MAOB: variants seen among roughly 807,000 people sequenced by gnomAD.
MAOB encodes the protein monoamine oxidase B.
Under a neutral mutation model 41.9 loss-of-function variants are expected in MAOB, and 15 were observed. The observed-to-expected ratio is 0.36, with a 90% CI of 0.24 to 0.55. MAOB has a LOEUF of 0.55. Ranked by LOEUF, MAOB falls within the 20% of genes least tolerant of loss-of-function variation. The pLI, the probability that MAOB is intolerant of heterozygous loss-of-function variation, is 0.86. For missense variants in MAOB, 345 were observed against 398.7 expected, an observed-to-expected ratio of 0.87 and a Z score of 1.15; for synonymous variants, 167 against 144.2, an observed-to-expected ratio of 1.16 and a Z score of -1.13.
At position 43,805,997 on chromosome X, in the gene MAOB, T is replaced by C. The variant is rs142770151; in HGVS notation, c.280-2593A>G. ...TTTTACACATTTTTACAAAGTAATT[T>C]GTTTTACAAATTTTTACAAAGTAAC... On this transcript the variant is annotated intron_variant, in intron 3 of 14. Transcript: ENST00000378069. Among the ~76,000 whole-genome samples, 1,103 of 112,760 alleles carry C rather than the reference T, an allele frequency of 9.8e-3. 12 individuals carry two copies. The highest frequency in any genetic ancestry group is 0.034 in the African/African-American group (1,063 of 31,086).
At chrX:43,811,873 G>T (rs1306491424) in intron 3 of MAOB, among the ~76,000 whole-genome samples, 1 of 111,374 alleles carries the variant, frequency 9.0e-6, no homozygotes, top group Non-Finnish European at 1.9e-5. Context: ...GTTTTTAAAT[G>T]TACAATTAAA....
Position 43,767,318 on chromosome X carries a change from G to A in MAOB, c.*148C>T. ...GCCACAACGGAGAAAGAGATACCAT[G>A]TATTTTACAGTCAGAGTTGGATTTA... On this transcript the variant is annotated 3_prime_UTR_variant, in exon 15 of 15. Coordinates refer to ENST00000378069, the MANE Select transcript of MAOB (RefSeq NM_000898.5). The A allele has an allele frequency of 1.9e-6, 1 of 523,856 alleles. No individual in the cohort carries two copies. Among genetic ancestry groups the A allele is most frequent in the Non-Finnish European group, 3.0e-6 (1 of 334,165 alleles). The allele number at this position is 523,856 out of a possible 1,213,427, so 43.2% of individuals were successfully genotyped here. A position where few individuals can be genotyped will look rare whatever the true frequency, so the allele number is the denominator to read the frequency against.
chrX:43,866,823 G>A (rs2035368245), intron 1 of MAOB, among the ~76,000 whole-genome samples: 1 of 112,819 alleles, frequency 8.9e-6, no homozygotes, highest in Admixed American at 9.3e-5. Context: ...AGTGGTCCAC[G>A]TGAGGAACAC....
chrX:43,790,334 T>C (rs1390323005), intron 8 of MAOB, among the ~76,000 whole-genome samples: 1 of 111,937 alleles, frequency 8.9e-6, no homozygotes, highest in Non-Finnish European at 1.9e-5. Context: ...AGGAATCATA[T>C]TGGATGTGAG....
intron 1 of MAOB, among the ~76,000 whole-genome samples, chrX:43,849,390 T>C (rs1447109691): frequency 1.8e-5 from 2 of 112,354 alleles, no homozygotes; most frequent in South Asian, 3.7e-4. Flanking sequence ...CAGTGAAACA[T>C]TGCAAATCTT....
chrX:43,821,011 G>A (rs951266884), intron 3 of MAOB, among the ~76,000 whole-genome samples: 12 of 111,853 alleles, frequency 1.1e-4, no homozygotes, highest in Non-Finnish European at 2.1e-4. Flanking sequence ...CCTACCTCCA[G>A]GGCTGTGGCA....
intron 1 of MAOB, 148 bp downstream of exon 1, chrX:43,882,106 C>T (rs1422655414): frequency 9.7e-7 from 1 of 1,027,562 alleles, no homozygotes; most frequent in Admixed American, 3.4e-5. Flanking sequence ...GTGCACGGCG[C>T]TCTGGACCCA....
rs752730192 is a variant in MAOB at position 43,843,661 on chromosome X, A to G, written c.141+9T>C. 8.3e-7 allele frequency: 1 copy of G among 1,204,230 alleles called. No individual in the cohort carries two copies. Among genetic ancestry groups the G allele is most frequent in the Non-Finnish European group, 1.1e-6 (1 of 892,151 alleles). On this transcript the variant is annotated intron_variant, in intron 2 of 14. Transcript: ENST00000378069. ...CCCACATTTGTCCTCCGGATTCTTAATGCCTTACCCTAAGAGTGTAAGTCC... is the reference window on the plus strand; with the variant it reads ...CCCACATTTGTCCTCCGGATTCTTAGTGCCTTACCCTAAGAGTGTAAGTCC...
At chrX:43,844,389 C>T (rs1365910921) in intron 1 of MAOB, 1 of 111,959 alleles carries the variant, frequency 8.9e-6, no homozygotes, top group Non-Finnish European at 1.9e-5. Context: ...ATTCTCACCA[C>T]CATGAATTTA....
chrX:43,879,239 C>T (rs1231667495), intron 1 of MAOB, among the ~76,000 whole-genome samples: 1 of 112,008 alleles, frequency 8.9e-6, no homozygotes, highest in African/African-American at 3.2e-5. Context: ...TATCTTGGAA[C>T]TTTTAAAACA....
chrX:43,860,450 A>T (rs1006742427), intron 1 of MAOB, among the ~76,000 whole-genome samples: 1 of 111,337 alleles, frequency 9.0e-6, no homozygotes, highest in Non-Finnish European at 1.9e-5. Flanking sequence ...ATTGTCCTTG[A>T]TTCTTTTTCT....
chrX:43,858,214 A>G (rs1162594128), intron 1 of MAOB, among the ~76,000 whole-genome samples: 1 of 111,380 alleles, frequency 9.0e-6, no homozygotes, highest in East Asian at 2.8e-4. Context: ...ACCTGAACCA[A>G]TACATGATCA....
chrX:43,784,825 A>G (rs977392596), intron 8 of MAOB, among the ~76,000 whole-genome samples: 2 of 112,180 alleles, frequency 1.8e-5, no homozygotes, highest in African/African-American at 6.5e-5. Flanking sequence ...TTTTCTTCCA[A>G]TATAATGCTG....
chrX:43,816,383 A>C (rs991962351), intron 3 of MAOB, among the ~76,000 whole-genome samples: 1 of 112,297 alleles, frequency 8.9e-6, no homozygotes, highest in Non-Finnish European at 1.9e-5. Context: ...TAGACTAAAA[A>C]TCCATTGAAT....
Position 43,767,596 on chromosome X carries a change from GTGA to G in MAOB, c.1430_1432del (p.Ile477del). On this transcript the variant is annotated inframe_deletion, in exon 15 of 15. Coordinates refer to ENST00000378069, the MANE Select transcript of MAOB (RefSeq NM_000898.5). ...CAAATGTCTCTCCAAAAAGGTGGTG[GTGA>G]TGGGCTGTGCAGGGACATCCTAGGT... is the stretch of plus-strand genomic sequence containing the variant. 1 of 1,210,229 alleles carries G rather than the reference GTGA, an allele frequency of 8.3e-7. No individual in the cohort carries two copies.
At chrX:43,849,482 C>T (rs2035233928) in intron 1 of MAOB, among the ~76,000 whole-genome samples, 1 of 112,693 alleles carries the variant, frequency 8.9e-6, no homozygotes, top group Admixed American at 9.4e-5. Flanking sequence ...TGCAAGAAGG[C>T]ACACACTCCT....
chrX:43,782,861 C>T (rs181162276), intron 8 of MAOB, among the ~76,000 whole-genome samples: 7 of 111,728 alleles, frequency 6.3e-5, no homozygotes, highest in African/African-American at 9.8e-5. Flanking sequence ...AAACGTAATC[C>T]GTCACGTAAA....
At chrX:43,786,869 T>C (rs982292533) in intron 8 of MAOB, among the ~76,000 whole-genome samples, 13 of 111,153 alleles carry the variant, frequency 1.2e-4, no homozygotes, top group African/African-American at 2.9e-4. Context: ...GAGAGAAAAG[T>C]CATGTTCATG....
chrX:43,863,674 A>G (rs539371342), intron 1 of MAOB, among the ~76,000 whole-genome samples: 8 of 111,758 alleles, frequency 7.2e-5, no homozygotes, highest in Middle Eastern at 9.3e-3. Flanking sequence ...CAACTGATCA[A>G]CTTTCTTTGT....
Sources: gnomAD v4.1 joint callset for allele counts (sites outside exome capture counted in the v4.1 genomes callset) on GRCh38, gnomAD v4.1.1 for gene constraint, MANE v1.5 for transcripts, NCBI Gene and HGNC (gene_info 2026-07-23, HGNC 2026-07-21) for gene names.